ASIC2: variants seen among roughly 807,000 people sequenced by gnomAD.
The protein encoded by ASIC2 is acid-sensing ion channel 2.
Under a neutral mutation model 57.3 loss-of-function variants are expected in ASIC2, and 25 were observed. The observed-to-expected ratio is 0.44, with a 90% CI of 0.32 to 0.61. The LOEUF is 0.61. Among genes scored for constraint, ASIC2 ranks in the 20% least tolerant of loss-of-function variants. The pLI is 0.06. For missense variants in ASIC2, 641 were observed against 738.1 expected (o/e 0.87, Z 1.52); for synonymous variants, 319 against 307.5 (o/e 1.04, Z -0.39).
chr17:33,711,961 G>A (rs750617095), intron 1 of ASIC2, among the ~76,000 whole-genome samples: 1 of 152,138 alleles, frequency 6.6e-6, no homozygotes, highest in African/African-American at 2.4e-5. Flanking sequence ...GGTCCCTGGG[G>A]TGATAAATGA....
rs1567640142 is a variant in ASIC2, at chr17:33,528,186, G to GT, written c.556-416120_556-416119insA. Among the ~76,000 whole-genome samples the GT allele has an allele frequency of 5.3e-5, 8 of 151,722 alleles. No homozygotes were observed. The East Asian group carries it at 1.2e-3, about 22-fold the overall frequency. On this transcript the variant is annotated intron_variant, in intron 1 of 9. Transcript: ENST00000359872. ...GTGGTAGGTGTGTGTGTGTGTGTGT[G>GT]GTTTCCAGCTGTGATCCTATAGGAC...
chr17:33,887,237 T>C (rs1388593341), intron 1 of ASIC2, among the ~76,000 whole-genome samples: 1 of 152,164 alleles, frequency 6.6e-6, no homozygotes, highest in African/African-American at 2.4e-5. Flanking sequence ...TGCATTGTAT[T>C]GTGTACTGCT....
In ASIC2 at chr17:33,210,926, AGTATGTGGCTTTCAGTCT is replaced by A. The variant is rs566509686; in HGVS notation, c.708+80464_708+80481del. ...CTCAGGCTAGACTCTTCCCAGAGCC[AGTATGTGGCTTTCAGTCT>A]TTGACCAGGAAGACAGACATTTGAT... On this transcript the variant is annotated intron_variant, in intron 1 of 9. Transcript: ENST00000225823. Among the ~76,000 whole-genome samples, 37 of 152,362 alleles carry A rather than the reference AGTATGTGGCTTTCAGTCT, an allele frequency of 2.4e-4. No homozygotes were observed. In the South Asian group the frequency reaches 7.0e-3, roughly 29 times the overall value.
At chr17:34,029,897 C>T (rs1235554946) in intron 1 of ASIC2, among the ~76,000 whole-genome samples, 1 of 152,162 alleles carries the variant, frequency 6.6e-6, no homozygotes, top group Non-Finnish European at 1.5e-5. Flanking sequence ...CCCTGCCTGG[C>T]AGATTTGATC....
At chr17:33,588,800 T>G (rs1197863372) in intron 1 of ASIC2, among the ~76,000 whole-genome samples, 1 of 152,160 alleles carries the variant, frequency 6.6e-6, no homozygotes, top group Non-Finnish European at 1.5e-5. Flanking sequence ...TTGACTAAGC[T>G]AAAAAAGTGT....
intron 1 of ASIC2, among the ~76,000 whole-genome samples, chr17:33,734,650 T>C (rs1037357731): frequency 4.6e-5 from 7 of 152,194 alleles, no homozygotes; most frequent in Non-Finnish European, 1.0e-4. Flanking sequence ...GTAATTAAGG[T>C]TAAATGAGGT....
At chr17:33,606,427 TG>T (rs1905234049) in intron 1 of ASIC2, among the ~76,000 whole-genome samples, 1 of 152,116 alleles carries the variant, frequency 6.6e-6, no homozygotes, top group African/African-American at 2.4e-5. Flanking sequence ...GTGTGAAGCT[TG>T]GGGCTAGGTG....
At chr17:33,521,039 A>AATT (rs1187209603) in intron 1 of ASIC2, among the ~76,000 whole-genome samples, 1 of 151,664 alleles carries the variant, frequency 6.6e-6, no homozygotes, top group Middle Eastern at 3.2e-3. Flanking sequence ...GAATAATAAT[A>AATT]ATTATTATTA....
chr17:33,032,783 T>C (rs2091889912), intron 3 of ASIC2, among the ~76,000 whole-genome samples: 1 of 152,208 alleles, frequency 6.6e-6, no homozygotes, highest in South Asian at 2.1e-4. Flanking sequence ...AAGCAGCCAG[T>C]TGACTTTTAA....
intron 1 of ASIC2, among the ~76,000 whole-genome samples, chr17:33,126,467 A>G (rs977710787): frequency 6.6e-6 from 1 of 152,144 alleles, no homozygotes; most frequent in African/African-American, 2.4e-5. Context: ...GGAGACCATG[A>G]GTTCTGAGGG....
chr17:33,705,444 G>T (rs1908834691), intron 1 of ASIC2, among the ~76,000 whole-genome samples: 1 of 152,164 alleles, frequency 6.6e-6, no homozygotes, highest in Non-Finnish European at 1.5e-5. Context: ...CTTTGCATAT[G>T]TGACAAAATT....
Position 33,292,302 on chromosome 17 carries a change from G to T in ASIC2, c.-187C>A. 2.0e-6 allele frequency: 2 copies of T among 986,656 alleles called. No individual in the cohort carries two copies. The highest frequency in any genetic ancestry group is 3.5e-5 in the African/African-American group (2 of 57,138). The allele number at this position is 986,656 out of a possible 1,614,324, so 61.1% of individuals were successfully genotyped here. On this transcript the variant is annotated 5_prime_UTR_variant, in exon 1 of 10. Transcript: ENST00000225823. ...CCGGCGCCGCCGCTGCCGCCTCCGC[G>T]GGCGCCCGCCCGGGGCTGAGCGCCG...
At chr17:33,954,521 A>G (rs1267197434) in intron 1 of ASIC2, among the ~76,000 whole-genome samples, 1 of 152,196 alleles carries the variant, frequency 6.6e-6, no homozygotes, top group African/African-American at 2.4e-5. Context: ...GTCTCTGTTA[A>G]AGCAAAACAT....
At chr17:33,682,405 G>A (rs1908039102) in intron 1 of ASIC2, among the ~76,000 whole-genome samples, 1 of 152,042 alleles carries the variant, frequency 6.6e-6, no homozygotes, top group Admixed American at 6.6e-5. Context: ...CAGGCATCTA[G>A]GAGAGGATGA....
intron 1 of ASIC2, among the ~76,000 whole-genome samples, chr17:34,084,704 C>T (rs1234810795): frequency 6.6e-6 from 1 of 152,064 alleles, no homozygotes; most frequent in Admixed American, 6.6e-5. Context: ...TGTTTGTATC[C>T]TCTTTTATTT....
intron 1 of ASIC2, among the ~76,000 whole-genome samples, chr17:33,884,315 T>C (rs928435482): frequency 6.6e-6 from 1 of 152,220 alleles, no homozygotes; most frequent in Non-Finnish European, 1.5e-5. Context: ...AACTCCTCCA[T>C]GGCTCTGGGA....
chr17:33,980,778 G>A (rs761095294), intron 1 of ASIC2: 2 of 152,174 alleles, frequency 1.3e-5, no homozygotes, highest in Admixed American at 6.5e-5. Flanking sequence ...TCCATGGAAA[G>A]ACATTGAGGC....
intron 1 of ASIC2, among the ~76,000 whole-genome samples, chr17:33,887,782 G>C (rs1221604756): frequency 1.3e-5 from 2 of 152,154 alleles, no homozygotes; most frequent in Admixed American, 1.3e-4. Flanking sequence ...ACACTGCAGG[G>C]AGCAGTTTTA....
intron 1 of ASIC2, among the ~76,000 whole-genome samples, chr17:33,202,127 G>T (rs1365302611): frequency 6.6e-6 from 1 of 151,864 alleles, no homozygotes; most frequent in Non-Finnish European, 1.5e-5. Flanking sequence ...GTAAAGCCAA[G>T]AACCCATCCT....
Sources: allele counts gnomAD v4.1 joint callset (sites outside exome capture counted in the v4.1 genomes callset), GRCh38; gene constraint gnomAD v4.1.1; transcripts MANE v1.5; gene names NCBI Gene and HGNC (gene_info 2026-07-23, HGNC 2026-07-21).